Variants in IL1RN observed in about 807,000 individuals in gnomAD.
The protein encoded by IL1RN is interleukin 1 receptor antagonist, also known as interleukin-1 receptor antagonist protein.
In IL1RN, 10 loss-of-function variants were observed where a neutral mutation model predicts 13.7. The observed-to-expected ratio is 0.73, with a 90% CI of 0.45 to 1.24. The LOEUF (loss-of-function observed/expected upper bound fraction) is 1.24, where lower values mean the gene tolerates loss of function less well. Among genes scored for constraint, IL1RN ranks in the 50% most tolerant of loss-of-function variants. IL1RN has a pLI of 0.00. For missense variants in IL1RN, 213 were observed against 222.1 expected (o/e 0.96, Z 0.26); for synonymous variants, 102 against 82.7 (o/e 1.23, Z -1.27).
chr2:113,102,499 C>T (rs180703212), upstream of IL1RN, among the ~76,000 whole-genome samples: 54 of 152,268 alleles, frequency 3.5e-4, no homozygotes, highest in African/African-American at 1.3e-3. Context: ...AGGGGGAAGC[C>T]TGTAGGCATG....
At chr2:113,118,864 C>T (rs138883164) in intron 1 of IL1RN, among the ~76,000 whole-genome samples, 1 of 152,136 alleles carries the variant, frequency 6.6e-6, no homozygotes, top group Non-Finnish European at 1.5e-5. Context: ...TGGTGAAACC[C>T]TGTCTCTATT....
At chr2:113,099,970 G>A in the IL1RN span, among the ~76,000 whole-genome samples, 206 of 136,300 alleles carry the variant, frequency 1.5e-3, 5 homozygotes, top group East Asian at 0.017. Context: ...TCCTGACCTC[G>A]TGATCCGCCC....
chr2:113,101,372 G>A, the IL1RN span, among the ~76,000 whole-genome samples: 2 of 152,122 alleles, frequency 1.3e-5, no homozygotes, highest in East Asian at 1.9e-4. Context: ...ATGTAAAACC[G>A]ACATTCAATG....
At chr2:113,125,941 G>A (rs1328620331), upstream of IL1RN, among the ~76,000 whole-genome samples, 1 of 152,166 alleles carries the variant, frequency 6.6e-6, no homozygotes, top group Non-Finnish European at 1.5e-5. Context: ...TGGGATTACA[G>A]GCACATGCCA....
At position 113,129,761 on chromosome 2, in the gene IL1RN, A is replaced by C. The variant is rs495410; in HGVS notation, c.205+97A>C. 204,648 of 823,944 alleles carry C rather than the reference A, an allele frequency of 0.25. 27,772 individuals carry two copies. Among genetic ancestry groups the C allele is most frequent in the Admixed American group, 0.31 (17,716 of 57,598 alleles). The allele number at this position is 823,944 out of a possible 1,614,324, so 51.0% of individuals were successfully genotyped here. ...GCCTGCCTGCACAAACCCTAGGTGCAATGTCCTAATCCTTGTTGGGTCTTT... is the reference window on the plus strand; with the variant it reads ...GCCTGCCTGCACAAACCCTAGGTGCCATGTCCTAATCCTTGTTGGGTCTTT... On this transcript the variant is annotated intron_variant, in intron 2 of 3. Coordinates refer to ENST00000409930, the MANE Select transcript of IL1RN (RefSeq NM_173842.3).
At chr2:113,125,825 G>A (rs1005373856), upstream of IL1RN, among the ~76,000 whole-genome samples, 1 of 152,204 alleles carries the variant, frequency 6.6e-6, no homozygotes, top group African/African-American at 2.4e-5. Flanking sequence ...TGGAGATGGA[G>A]TCTTACTCTG....
the IL1RN span, among the ~76,000 whole-genome samples, chr2:113,100,903 T>C: frequency 1.3e-5 from 2 of 152,128 alleles, no homozygotes; most frequent in Non-Finnish European, 2.9e-5. Context: ...AAGTTCTTAG[T>C]TGGAATGGGC....
At chr2:113,132,600 G>A (rs1217271079) in intron 3 of IL1RN, 56 bp from the exon 4 acceptor site, 4 of 1,487,880 alleles carry the variant, frequency 2.7e-6, no homozygotes, top group Non-Finnish European at 3.8e-6. Context: ...TGGAGAGGGA[G>A]GCAGCACAGG....
chr2:113,100,128 C>T, the IL1RN span, among the ~76,000 whole-genome samples: 5,065 of 148,822 alleles, frequency 0.034, 198 homozygotes, highest in African/African-American at 0.091. Context: ...CAAGACCATC[C>T]TGGCTAACAT....
the IL1RN span, among the ~76,000 whole-genome samples, chr2:113,100,610 G>A: frequency 0.023 from 3,483 of 152,200 alleles, 150 homozygotes; most frequent in African/African-American, 0.079. Context: ...TCACTCTATC[G>A]CACAGATGCA....
intron 1 of IL1RN, among the ~76,000 whole-genome samples, chr2:113,112,101 T>G (rs1013573150): frequency 3.9e-5 from 6 of 152,246 alleles, no homozygotes; most frequent in Non-Finnish European, 7.3e-5. Flanking sequence ...CAGAGAGGTT[T>G]GTAGGCCAGT....
At chr2:113,105,580 G>A (rs925365749), upstream of IL1RN, among the ~76,000 whole-genome samples, 8 of 152,148 alleles carry the variant, frequency 5.3e-5, no homozygotes, top group African/African-American at 1.7e-4. Context: ...AGTGACATCC[G>A]AGTTCCATCT....
chr2:113,123,243 G>A (rs1329755208), upstream of IL1RN, among the ~76,000 whole-genome samples: 1 of 152,200 alleles, frequency 6.6e-6, no homozygotes, highest in Non-Finnish European at 1.5e-5. Flanking sequence ...ATTTCCAAAA[G>A]ATCTCTTTGG....
At chr2:113,110,580 GA>G (rs1426529146), upstream of IL1RN, among the ~76,000 whole-genome samples, 2 of 152,184 alleles carry the variant, frequency 1.3e-5, no homozygotes, top group Non-Finnish European at 2.9e-5. Context: ...ATTGGAGCAG[GA>G]TCCTCACCTT....
the IL1RN span, among the ~76,000 whole-genome samples, chr2:113,099,836 G>A: frequency 4.3e-5 from 6 of 140,034 alleles, no homozygotes; most frequent in Admixed American, 1.5e-4. Context: ...CCGGGTTCAC[G>A]CCCTTCTCCT....
Position 113,129,984 on chromosome 2 carries a change from A to G in IL1RN, c.205+320A>G, listed in dbSNP as rs1278971542. ...TTCCTCAAGTGCCTATTAAGGCTCC[A>G]TGTTCCTATGTTGTTCAAACCCTAA... On this transcript the variant is annotated intron_variant, in intron 2 of 3. Transcript: ENST00000409930. 4 of 369,954 alleles carry G rather than the reference A, an allele frequency of 1.1e-5. 1 individual carries two copies. Among genetic ancestry groups the G allele is most frequent in the South Asian group, 9.7e-5 (4 of 41,400 alleles). The allele number at this position is 369,954 out of a possible 1,614,324, so 22.9% of individuals were successfully genotyped here. A position where few individuals can be genotyped will look rare whatever the true frequency, so the allele number is the denominator to read the frequency against.
chr2:113,114,650 T>A (rs1477176096), upstream of IL1RN, among the ~76,000 whole-genome samples: 1 of 151,830 alleles, frequency 6.6e-6, no homozygotes, highest in Non-Finnish European at 1.5e-5. Flanking sequence ...CGTGTGTGAG[T>A]GTGTGTGTGT....
upstream of IL1RN, chr2:113,117,896 C>T (rs1573284007): frequency 1.3e-6 from 1 of 778,472 alleles, no homozygotes; most frequent in Admixed American, 1.7e-5. Context: ...GAAGGAGGGG[C>T]AGCTCCACCC....
the IL1RN span, among the ~76,000 whole-genome samples, chr2:113,101,715 CAGT>C: frequency 0.013 from 1,906 of 152,300 alleles, 39 homozygotes; most frequent in African/African-American, 0.044. Context: ...AAAGATCTGG[CAGT>C]AGCATAGAAG....
Sources: allele counts gnomAD v4.1 joint callset (sites outside exome capture counted in the v4.1 genomes callset), GRCh38; gene constraint gnomAD v4.1.1; transcripts MANE v1.5; gene names NCBI Gene and HGNC (gene_info 2026-07-23, HGNC 2026-07-21).